The following COL6A2 variants were observed in gnomAD, a reference collection of about 807,000 sequenced individuals.
The protein encoded by COL6A2 is collagen type VI alpha 2 chain, also known as collagen alpha-2(VI) chain.
In COL6A2, 90 loss-of-function variants were observed where a neutral mutation model predicts 124.9. That is an observed-to-expected ratio of 0.72 (90% CI 0.61 to 0.86). The LOEUF is 0.86. Among genes scored for constraint, COL6A2 ranks in the 40% least tolerant of loss-of-function variants. COL6A2 has a pLI of 0.00. For missense variants in COL6A2, 1,607 were observed against 1,502.5 expected (o/e 1.07, Z -1.15); for synonymous variants, 793 against 618.2 (o/e 1.28, Z -4.19).
intron 4 of COL6A2, 136 bp downstream of exon 4, chr21:46,112,960 C>CCT: frequency 8.7e-7 from 1 of 1,148,226 alleles, no homozygotes; most frequent in South Asian, 1.3e-5. Context: ...CCATGTTGGA[C>CCT]CTGAGGCCTT....
At chr21:46,125,132 G>A in intron 23 of COL6A2, 134 bp from the exon 24 acceptor site, 1 of 1,055,106 alleles carries the variant, frequency 9.5e-7, no homozygotes, top group Non-Finnish European at 1.5e-6. Context: ...GGTAGGGACA[G>A]GACCCGCCAG....
intron 1 of COL6A2, among the ~76,000 whole-genome samples, chr21:46,099,388 G>T (rs2078261824): frequency 6.6e-6 from 1 of 150,820 alleles, no homozygotes; most frequent in Admixed American, 6.6e-5. Context: ...AACCTGGGAG[G>T]CGGAGGCTGC....
chr21:46,119,560 A>T (rs1054554880), intron 14 of COL6A2, among the ~76,000 whole-genome samples: 1 of 152,146 alleles, frequency 6.6e-6, no homozygotes, highest in African/African-American at 2.4e-5. Flanking sequence ...ATCATTCCTA[A>T]ATCCTCGGCA....
Position 46,107,721 on chromosome 21 carries a change from ACT to A in COL6A2, c.-27-3727_-27-3726del, listed in dbSNP as rs1191867749. 4.6e-5 allele frequency among the ~76,000 whole-genome samples: 7 copies of A among 152,330 alleles called. No individual in the cohort carries two copies. In the South Asian group the frequency reaches 1.4e-3, roughly 32 times the overall value. On this transcript the variant is annotated intron_variant, in intron 1 of 27. Coordinates refer to ENST00000300527, the MANE Select transcript of COL6A2 (RefSeq NM_001849.4). ...TCTATGATCCCAGGTCTTTAGACAA[ACT>A]CAACCAATTGTCAACCAGAAAATGT...
rs931802378 is a variant in COL6A2, at chr21:46,126,370, G to C, written c.2422+133G>C. 320 of 1,513,790 alleles carry C rather than the reference G, an allele frequency of 2.1e-4. 1 individual carries two copies. Among genetic ancestry groups the C allele is most frequent in the Non-Finnish European group, 2.8e-4 (310 of 1,091,560 alleles). 93.8% of individuals were successfully genotyped at this position (1,513,790 alleles called of 1,614,324 possible). A position where few individuals can be genotyped will look rare whatever the true frequency, so the allele number is the denominator to read the frequency against. On this transcript the variant is annotated intron_variant, in intron 26 of 27. Transcript: ENST00000300527. Reference sequence around the variant, plus strand: ...GGATCTTGGGCTGTGGGTGGGAAGGGGTCGGGCCCTCTCGGGGCTGCAGGG... The same window carrying C: ...GGATCTTGGGCTGTGGGTGGGAAGGCGTCGGGCCCTCTCGGGGCTGCAGGG...
intron 13 of COL6A2, 83 bp downstream of exon 13, chr21:46,118,759 A>G (rs2078515725): frequency 3.4e-6 from 5 of 1,463,754 alleles, no homozygotes; most frequent in Non-Finnish European, 3.8e-6. Context: ...GCTGGCCACC[A>G]TCTCTGCTGT....
intron 4 of COL6A2, chr21:46,113,730 C>T: frequency 1.9e-6 from 1 of 533,548 alleles, no homozygotes; most frequent in South Asian, 2.1e-5. Flanking sequence ...GCCTTTCTTC[C>T]CTTCTATTTT....
intron 27 of COL6A2, 88 bp from the exon 28 acceptor site, chr21:46,131,866 C>T (rs534438315): frequency 1.5e-4 from 188 of 1,277,390 alleles, no homozygotes; most frequent in African/African-American, 6.3e-4. Context: ...AGGCAGGGTG[C>T]GAATGGAAGG....
rs1331260332 is a variant in COL6A2 at position 46,121,060 on chromosome 21, G to A, written c.1396-1G>A. On this transcript the variant is annotated splice_acceptor_variant, in intron 16 of 27. Transcript: ENST00000300527. LOFTEE classifies it high-confidence loss of function. ...CCCCAAATTCCTCCCCTTTCTTCCA[G>A]GGAGACCGAGGCTTGCCTGGACCCA... 1.6e-5 allele frequency: 25 copies of A among 1,612,662 alleles called. No homozygotes were observed. Among genetic ancestry groups the A allele is most frequent in the Non-Finnish European group, 2.1e-5 (25 of 1,179,938 alleles).
chr21:46,120,949 G>A, intron 16 of COL6A2, 112 bp from the exon 17 acceptor site: 1 of 1,029,776 alleles, frequency 9.7e-7, no homozygotes, highest in Non-Finnish European at 1.5e-6. Flanking sequence ...TAGGGGCCGG[G>A]GCCAGACCCG....
chr21:46,126,442 G>A, intron 26 of COL6A2, 61 bp from the exon 27 acceptor site: 2 of 1,604,572 alleles, frequency 1.2e-6, no homozygotes, highest in Non-Finnish European at 1.7e-6. Flanking sequence ...TCAGTGAACG[G>A]CCGCTGAGGG....
Position 46,121,109 on chromosome 21 carries a change from G to T in COL6A2, c.1444G>T (p.Glu482Ter). The change falls in exon 17 of 28, where the codon GAG becomes TAG. Residue 482 changes from glutamate to a stop codon, truncating the protein, a stop_gained. Transcript: ENST00000300527. LOFTEE classifies it high-confidence loss of function. ...GPRGPQGALGEPGKQGSRGDP... is the reference protein window; with the variant it reads ...GPRGPQGALG The stretch of plus-strand genomic sequence containing the variant: ...CAGAGGCCCCCAGGGAGCTCTTGGG[G>T]AGCCCGGAAAGCAGGTCAGTGTCAG... The T allele has an allele frequency of 1.2e-6, 2 of 1,612,778 alleles. No homozygotes were observed. Among genetic ancestry groups the T allele is most frequent in the Non-Finnish European group, 1.7e-6 (2 of 1,179,942 alleles).
At position 46,112,389 on chromosome 21, in the gene COL6A2, C is replaced by T. The variant is rs1193526830; in HGVS notation, c.526C>T (p.Gln176Ter). The T allele has an allele frequency of 6.2e-7, 1 of 1,607,862 alleles. No individual in the cohort carries two copies. The highest frequency in any genetic ancestry group is 1.3e-5 in the African/African-American group (1 of 74,984). Residue 176 changes from glutamine to a stop codon, truncating the protein, a stop_gained, in exon 3 of 28, where the codon CAG (glutamine) becomes TAG (stop). Transcript: ENST00000300527. LOFTEE classifies it high-confidence loss of function. The stretch of plus-strand genomic sequence containing the variant: ...CAGCCCCTGCGGGGGCATCAAGCTG[C>T]AGGCCGAGCGGGCCCGCGAGGAGGG... ...TGSPCGGIKL[Q>*]AERAREEGIR...
At chr21:46,131,865 G>A (rs913784696) in intron 27 of COL6A2, 89 bp from the exon 28 acceptor site, 6 of 1,244,512 alleles carry the variant, frequency 4.8e-6, no homozygotes, top group African/African-American at 4.5e-5. Flanking sequence ...CAGGCAGGGT[G>A]CGAATGGAAG....
rs1280197426 is a variant in COL6A2 at position 46,119,977 on chromosome 21, T to A, written c.1332+127T>A. 20 of 856,156 alleles carry A rather than the reference T, an allele frequency of 2.3e-5. No homozygotes were observed. In the South Asian group the frequency reaches 2.5e-4, roughly 11 times the overall value. The allele number at this position is 856,156 out of a possible 1,614,324, so 53.0% of individuals were successfully genotyped here. A position where few individuals can be genotyped will look rare whatever the true frequency, so the allele number is the denominator to read the frequency against. Reference sequence around the variant, plus strand: ...CAGGGCCTCACTCTCCAGAGTTCACTCTCTGCAGAGTCTGGGAATGCAGCC... The same window carrying A: ...CAGGGCCTCACTCTCCAGAGTTCACACTCTGCAGAGTCTGGGAATGCAGCC... On this transcript the variant is annotated intron_variant, in intron 15 of 27. Transcript: ENST00000300527.
intron 13 of COL6A2, 114 bp from the exon 14 acceptor site, chr21:46,118,916 G>C: frequency 9.9e-7 from 1 of 1,008,146 alleles, no homozygotes; most frequent in South Asian, 1.4e-5. Flanking sequence ...CCATGTGCCT[G>C]GCAAGCAGAT....
At position 46,124,543 on chromosome 21, in the gene COL6A2, C is replaced by A. The variant is rs534981677; in HGVS notation, c.1672-108C>A. 278 of 966,374 alleles carry A rather than the reference C, an allele frequency of 2.9e-4. 5 individuals carry two copies. The Middle Eastern group carries it at 2.9e-3, about 10-fold the overall frequency. 59.9% of individuals were successfully genotyped at this position (966,374 alleles called of 1,614,324 possible). A position where few individuals can be genotyped will look rare whatever the true frequency, so the allele number is the denominator to read the frequency against. ...TTACTCCTTGCACCTGTTAGCCCCC[C>A]CCCCCGCCAAGGGAGGACCCGTGGT... On this transcript the variant is annotated intron_variant, in intron 21 of 27. Transcript: ENST00000300527.
chr21:46,122,366 G>T, intron 19 of COL6A2, 130 bp from the exon 20 acceptor site: 1 of 1,349,380 alleles, frequency 7.4e-7, no homozygotes, highest in Non-Finnish European at 1.1e-6. Context: ...AGCTCAGAAC[G>T]CAGCACAGTG....
intron 27 of COL6A2, 114 bp downstream of exon 27, chr21:46,126,655 A>G (rs1181735354): frequency 5.4e-6 from 7 of 1,295,480 alleles, no homozygotes; most frequent in Non-Finnish European, 7.7e-6. Flanking sequence ...GGGGCGGCGG[A>G]GCCACTGCGG....
Sources: gnomAD v4.1 joint callset for allele counts (sites outside exome capture counted in the v4.1 genomes callset) on GRCh38, gnomAD v4.1.1 for gene constraint, MANE v1.5 for transcripts, NCBI Gene and HGNC (gene_info 2026-07-23, HGNC 2026-07-21) for gene names.